The following ASXL3 variants were observed in gnomAD, a reference collection of about 807,000 sequenced individuals.
ASXL3 encodes putative Polycomb group protein ASXL3.
In ASXL3, 34 loss-of-function variants were observed where a neutral mutation model predicts 170.6. That is an observed-to-expected ratio of 0.20 (90% CI 0.15 to 0.27). The LOEUF is 0.27. Among genes scored for constraint, ASXL3 ranks in the 10% least tolerant of loss-of-function variants. The probability of loss-of-function intolerance (pLI) is 1.00; values close to 1 mark genes in which losing one functional copy is unlikely to be tolerated. For synonymous variants in ASXL3, 1,002 were observed against 989.1 expected (o/e 1.01, Z -0.24); for missense variants, 2,592 against 2,695.3 (o/e 0.96, Z 0.85).
chr18:33,683,798 C>G (rs1235851713), intron 8 of ASXL3, among the ~76,000 whole-genome samples: 1 of 152,074 alleles, frequency 6.6e-6, no homozygotes, highest in Non-Finnish European at 1.5e-5. Context: ...AGAGTGAAAA[C>G]TATAAACTTA....
chr18:33,615,467 A>T (rs1486490486), intron 2 of ASXL3, among the ~76,000 whole-genome samples: 2 of 152,196 alleles, frequency 1.3e-5, no homozygotes, highest in Non-Finnish European at 2.9e-5. Flanking sequence ...TATGATAATA[A>T]TGACAAAGTT....
Position 33,713,247 on chromosome 18 carries a change from TG to T in ASXL3, c.880-18720del, listed in dbSNP as rs1268622237. Among the ~76,000 whole-genome samples the T allele has an allele frequency of 8.2e-3, 593 of 72,168 alleles. 144 individuals carry two copies. Among genetic ancestry groups the T allele is most frequent in the East Asian group, 0.025 (55 of 2,164 alleles). The allele number at this position is 72,168 out of a possible 152,430, so 47.3% of individuals were successfully genotyped here. A position where few individuals can be genotyped will look rare whatever the true frequency, so the allele number is the denominator to read the frequency against. ...CAAGAAGGTTTTTTTTGTTTTGTTT[TG>T]TTTTTTTTTTTTTTTTTTTTTTTTT... is the stretch of plus-strand genomic sequence containing the variant. On this transcript the variant is annotated intron_variant, in intron 8 of 11. Coordinates refer to ENST00000269197, the MANE Select transcript of ASXL3 (RefSeq NM_030632.3).
At chr18:33,623,063 A>C (rs2065540452) in intron 2 of ASXL3, among the ~76,000 whole-genome samples, 1 of 152,154 alleles carries the variant, frequency 6.6e-6, no homozygotes, top group East Asian at 1.9e-4. Flanking sequence ...TCTCTCTGAC[A>C]ATGCTGAGCC....
At position 33,749,876 on chromosome 18, in the gene ASXL3, A is replaced by C. The variant is rs2145445372; in HGVS notation, c.*3281A>C. On this transcript the variant is annotated 3_prime_UTR_variant, in exon 12 of 12. Transcript: ENST00000269197. ...CTTACTCGGTTCAAAATACACAAAAACAAGCTGGTACATATGGTGCTTTAT... is the reference window on the plus strand; with the variant it reads ...CTTACTCGGTTCAAAATACACAAAACCAAGCTGGTACATATGGTGCTTTAT... 1 of 152,354 alleles carries C rather than the reference A, an allele frequency of 6.6e-6. No homozygotes were observed. The highest frequency in any genetic ancestry group is 2.1e-4 in the South Asian group (1 of 4,830). The allele number at this position is 152,354 out of a possible 1,614,324, so 9.4% of individuals were successfully genotyped here. A position where few individuals can be genotyped will look rare whatever the true frequency, so the allele number is the denominator to read the frequency against.
intron 1 of ASXL3, among the ~76,000 whole-genome samples, chr18:33,583,977 A>T (rs2065014015): frequency 6.6e-6 from 1 of 152,160 alleles, no homozygotes; most frequent in South Asian, 2.1e-4. Flanking sequence ...GAACAAGAAA[A>T]AGTGGAGGAT....
chr18:33,658,470 G>T (rs2066117057), intron 4 of ASXL3, among the ~76,000 whole-genome samples: 1 of 152,008 alleles, frequency 6.6e-6, no homozygotes, highest in South Asian at 2.1e-4. Context: ...AAATGCCCAT[G>T]AAAAAAGGTC....
chr18:33,619,977 G>A (rs1172059246), intron 2 of ASXL3, among the ~76,000 whole-genome samples: 1 of 152,090 alleles, frequency 6.6e-6, no homozygotes, highest in Non-Finnish European at 1.5e-5. Flanking sequence ...CCCCAGTATA[G>A]TTTCAGAAGC....
intron 2 of ASXL3, among the ~76,000 whole-genome samples, chr18:33,611,080 A>G (rs927644281): frequency 1.3e-5 from 2 of 152,100 alleles, no homozygotes; most frequent in Admixed American, 1.3e-4. Flanking sequence ...TTGACATTGT[A>G]TGCTATATTT....
intron 9 of ASXL3, among the ~76,000 whole-genome samples, chr18:33,733,458 G>T (rs771975143): frequency 2.0e-5 from 3 of 152,010 alleles, no homozygotes; most frequent in Non-Finnish European, 4.4e-5. Flanking sequence ...ACTTGTACTT[G>T]ACCCCTCTTC....
chr18:33,734,770 G>T (rs2067516389), intron 10 of ASXL3, among the ~76,000 whole-genome samples: 1 of 152,092 alleles, frequency 6.6e-6, no homozygotes. Flanking sequence ...TTTTAGTCAT[G>T]TATTTAATTC....
intron 1 of ASXL3, among the ~76,000 whole-genome samples, chr18:33,581,472 A>AGTGTGTGTGT (rs150752638): frequency 0.014 from 1,978 of 145,266 alleles, 29 homozygotes; most frequent in African/African-American, 0.032. Context: ...TGCTGGAGTG[A>AGTGTGTGTGT]GTGTGTGTGT....
At chr18:33,733,795 A>C (rs778248077) in intron 9 of ASXL3, among the ~76,000 whole-genome samples, 2 of 152,200 alleles carry the variant, frequency 1.3e-5, no homozygotes, top group Non-Finnish European at 2.9e-5. Flanking sequence ...TTGTGATTTA[A>C]TTACTTTATA....
At chr18:33,586,947 G>A (rs934691051) in intron 1 of ASXL3, among the ~76,000 whole-genome samples, 2 of 152,154 alleles carry the variant, frequency 1.3e-5, no homozygotes, top group Admixed American at 6.5e-5. Flanking sequence ...AGAGAAAGTG[G>A]TAGAGTCTGT....
intron 1 of ASXL3, among the ~76,000 whole-genome samples, chr18:33,580,579 C>A (rs981668133): frequency 1.3e-5 from 2 of 152,086 alleles, no homozygotes; most frequent in Non-Finnish European, 2.9e-5. Flanking sequence ...TTAAAGCTAG[C>A]CATTTGTATT....
Position 33,683,471 on chromosome 18 carries a change from C to G in ASXL3, c.782C>G (p.Thr261Ser). ...IETPGSILVN[T>S]NLRALINKHT... is the part of the protein sequence containing the mutation. ...ACCCCAGGATCTATTCTTGTCAACA[C>G]TAACTTGAGGGCATTAATAAATAAA... is the stretch of plus-strand genomic sequence containing the variant. The change falls in exon 8 of 12, where the codon ACT (threonine) becomes AGT (serine). Residue 261 changes from threonine (T) to serine (S), a missense_variant. By Grantham distance (58) the Thr-to-Ser change is moderately conservative. Transcript: ENST00000269197. 1 of 1,613,654 alleles carries G rather than the reference C, an allele frequency of 6.2e-7. No homozygotes were observed. The highest frequency in any genetic ancestry group is 8.5e-7 in the Non-Finnish European group (1 of 1,179,728).
chr18:33,669,116 A>C (rs1013175024), intron 5 of ASXL3, among the ~76,000 whole-genome samples: 1 of 152,128 alleles, frequency 6.6e-6, no homozygotes, highest in African/African-American at 2.4e-5. Flanking sequence ...TTATTGATTG[A>C]TAGGTTAATT....
Position 33,729,222 on chromosome 18 carries a change from T to C in ASXL3, c.880-2746T>C, listed in dbSNP as rs368883737. 3.3e-5 allele frequency among the ~76,000 whole-genome samples: 5 copies of C among 152,280 alleles called. No homozygotes were observed. The East Asian group carries it at 5.8e-4, about 18-fold the overall frequency. ...GAGAAGCCCTTTGGACAACTGTCGCTCATTTATTGGAGAAAATGTGTAGAA... is the reference window on the plus strand; with the variant it reads ...GAGAAGCCCTTTGGACAACTGTCGCCCATTTATTGGAGAAAATGTGTAGAA... On this transcript the variant is annotated intron_variant, in intron 8 of 11. Coordinates refer to ENST00000269197, the MANE Select transcript of ASXL3 (RefSeq NM_030632.3).
chr18:33,580,129 A>G (rs2064979811), intron 1 of ASXL3, among the ~76,000 whole-genome samples: 1 of 152,152 alleles, frequency 6.6e-6, no homozygotes, highest in Admixed American at 6.5e-5. Flanking sequence ...GTAGTGTTGT[A>G]TGTTATTTCT....
At chr18:33,604,859 T>G (rs2145119010) in intron 1 of ASXL3, among the ~76,000 whole-genome samples, 1 of 152,144 alleles carries the variant, frequency 6.6e-6, no homozygotes, top group East Asian at 1.9e-4. Flanking sequence ...GTGTGGCATA[T>G]GAAACAAATT....
Sources: allele counts gnomAD v4.1 joint callset (sites outside exome capture counted in the v4.1 genomes callset), GRCh38; gene constraint gnomAD v4.1.1; transcripts MANE v1.5; gene names NCBI Gene and HGNC (gene_info 2026-07-23, HGNC 2026-07-21).